Variants in PRORP observed in about 807,000 individuals in gnomAD.
The protein encoded by PRORP is mitochondrial ribonuclease P catalytic subunit.
PRORP carries 51 observed loss-of-function variants against 59.4 expected under a neutral mutation model. The observed-to-expected ratio is 0.86, with a 90% CI of 0.69 to 1.08. The LOEUF (loss-of-function observed/expected upper bound fraction) is 1.08, where lower values mean the gene tolerates loss of function less well. Among genes scored for constraint, PRORP ranks in the 50% least tolerant of loss-of-function variants. The pLI, the probability that PRORP is intolerant of heterozygous loss-of-function variation, is 0.00. For synonymous variants in PRORP, 231 were observed against 245.6 expected, an observed-to-expected ratio of 0.94 and a Z score of 0.55; for missense variants, 646 against 690.3, an observed-to-expected ratio of 0.94 and a Z score of 0.72.
chr14:35,270,159 G>A (rs1181973730), intron 6 of PRORP, among the ~76,000 whole-genome samples: 1 of 152,202 alleles, frequency 6.6e-6, no homozygotes, highest in East Asian at 1.9e-4. Context: ...TAGTGGAAGA[G>A]TCCAGTGAGC....
intron 7 of PRORP, among the ~76,000 whole-genome samples, chr14:35,272,108 G>A (rs1373626941): frequency 1.3e-5 from 2 of 151,882 alleles, no homozygotes; most frequent in Admixed American, 6.6e-5. Context: ...AGAGGAATAC[G>A]TTCCATGATG....
chr14:35,240,335 G>T (rs1293811127), intron 5 of PRORP, among the ~76,000 whole-genome samples: 1 of 146,200 alleles, frequency 6.8e-6, no homozygotes. Context: ...TACCCGGGTG[G>T]GTTTTCTTGA....
chr14:35,219,287 G>A (rs1414016887), intron 5 of PRORP: 1 of 152,260 alleles, frequency 6.6e-6, no homozygotes, highest in Non-Finnish European at 1.5e-5. Flanking sequence ...GGAACATGGT[G>A]CATGTGGCCG....
At chr14:35,232,829 C>A (rs1280292732) in intron 5 of PRORP, among the ~76,000 whole-genome samples, 1 of 152,228 alleles carries the variant, frequency 6.6e-6, no homozygotes, top group East Asian at 1.9e-4. Context: ...CATGCCACCA[C>A]GACCGGCTAA....
rs1473684579 is a variant in PRORP at position 35,276,250 on chromosome 14, T to G, written c.*2684T>G. 1 of 152,478 alleles carries G rather than the reference T, an allele frequency of 6.6e-6. No homozygotes were observed. Among genetic ancestry groups the G allele is most frequent in the African/African-American group, 2.4e-5 (1 of 41,396 alleles). 9.4% of individuals were successfully genotyped at this position (152,478 alleles called of 1,614,324 possible). ...TGAGCCCCAGAGGTCAAGGCTACAG[T>G]GAGCTATGATCATGCTACTACACTC... On this transcript the variant is annotated 3_prime_UTR_variant, in exon 8 of 8. Transcript: ENST00000534898.
intron 5 of PRORP, among the ~76,000 whole-genome samples, chr14:35,205,795 C>A (rs988688599): frequency 3.9e-5 from 6 of 152,192 alleles, no homozygotes; most frequent in African/African-American, 1.4e-4. Context: ...TCACACCTCT[C>A]AGGGATGAAA....
At chr14:35,180,524 A>ATGTGTGTGTGTGTGTGTGTGTG in intron 4 of PRORP, 146 bp from the exon 5 acceptor site, 1 of 422,286 alleles carries the variant, frequency 2.4e-6, no homozygotes, top group Non-Finnish European at 4.2e-6. Context: ...TTTGTAGAGT[A>ATGTGTGTGTGTGTGTGTGTGTG]TCTGTGTGTG....
intron 5 of PRORP, among the ~76,000 whole-genome samples, chr14:35,245,246 C>T (rs2050455220): frequency 6.6e-6 from 1 of 152,214 alleles, no homozygotes; most frequent in Non-Finnish European, 1.5e-5. Flanking sequence ...AAATGCAAGT[C>T]TTCACTGATT....
chr14:35,141,756 AC>A (rs1405223714), intron 4 of PRORP, among the ~76,000 whole-genome samples: 13 of 144,882 alleles, frequency 9.0e-5, no homozygotes, highest in Non-Finnish European at 1.5e-4. Context: ...TTGCTCTGTC[AC>A]CTAAGCTGGA....
chr14:35,171,200 T>C (rs1312794989), intron 4 of PRORP, among the ~76,000 whole-genome samples: 1 of 152,124 alleles, frequency 6.6e-6, no homozygotes, highest in African/African-American at 2.4e-5. Context: ...AGGCTGGTCT[T>C]GAATTCCTGA....
chr14:35,199,331 C>T (rs1053408187), intron 5 of PRORP, among the ~76,000 whole-genome samples: 1 of 118,524 alleles, frequency 8.4e-6, no homozygotes, highest in Non-Finnish European at 1.7e-5. Flanking sequence ...GAGACTCCAT[C>T]TAAAAAAAAA....
chr14:35,184,522 A>G (rs10137674), intron 5 of PRORP, among the ~76,000 whole-genome samples: 1 of 151,698 alleles, frequency 6.6e-6, no homozygotes, highest in African/African-American at 2.4e-5. Flanking sequence ...AATCTTTTTT[A>G]AAAAACTTTT....
At chr14:35,258,359 A>C (rs1175109724) in intron 5 of PRORP, among the ~76,000 whole-genome samples, 2 of 152,214 alleles carry the variant, frequency 1.3e-5, no homozygotes, top group African/African-American at 4.8e-5. Flanking sequence ...AACAGTAGAC[A>C]GAAAATTAAA....
intron 5 of PRORP, 92 bp from the exon 6 acceptor site, chr14:35,266,635 C>T (rs760862402): frequency 5.2e-5 from 69 of 1,339,162 alleles, no homozygotes; most frequent in Non-Finnish European, 6.8e-5. Flanking sequence ...GAAAAGAGTG[C>T]TTCACCATTG....
chr14:35,214,738 C>A (rs2049541981), intron 5 of PRORP, among the ~76,000 whole-genome samples: 1 of 152,184 alleles, frequency 6.6e-6, no homozygotes, highest in Non-Finnish European at 1.5e-5. Context: ...GAAACTGCAT[C>A]TCTACTAAAA....
At position 35,270,522 on chromosome 14, in the gene PRORP, C is replaced by T; in HGVS notation, c.1546C>T (p.Leu516=). 6.2e-7 allele frequency: 1 copy of T among 1,614,146 alleles called. No homozygotes were observed. Among genetic ancestry groups the T allele is most frequent in the Non-Finnish European group, 8.5e-7 (1 of 1,180,042 alleles). The part of the protein sequence containing the change: ...ACLPDAKTQR[L]FFKWQQGHQL... ...TCTGCCTGATGCCAAGACCCAACGC[C>T]TGTTTTTTAAGTGGCAGCAGGGACA... The change falls in exon 7 of 8, where the codon CTG becomes TTG. Residue 516 remains leucine, a synonymous_variant. Transcript: ENST00000534898.
intron 2 of PRORP, among the ~76,000 whole-genome samples, chr14:35,125,887 T>C (rs544209969): frequency 6.6e-6 from 1 of 152,182 alleles, no homozygotes; most frequent in Non-Finnish European, 1.5e-5. Flanking sequence ...GGCATGGCGG[T>C]GTGTGCCGGT....
intron 5 of PRORP, chr14:35,262,971 A>G: frequency 1.3e-6 from 2 of 1,599,182 alleles, no homozygotes; most frequent in Non-Finnish European, 1.7e-6. Flanking sequence ...AAACAAGGAT[A>G]TCAGGAAATT....
chr14:35,205,011 T>C (rs892499650), intron 5 of PRORP, among the ~76,000 whole-genome samples: 1 of 152,224 alleles, frequency 6.6e-6, no homozygotes, highest in Non-Finnish European at 1.5e-5. Flanking sequence ...GTTAGAGAAG[T>C]CAATGATAAA....
Sources: gnomAD v4.1 joint callset for allele counts (sites outside exome capture counted in the v4.1 genomes callset) on GRCh38, gnomAD v4.1.1 for gene constraint, MANE v1.5 for transcripts, NCBI Gene and HGNC (gene_info 2026-07-23, HGNC 2026-07-21) for gene names.